The following LINGO2 variants were observed in gnomAD, a reference collection of about 807,000 sequenced individuals.
The protein encoded by LINGO2 is leucine rich repeat and Ig domain containing 2.
A neutral mutation model predicts 30.6 loss-of-function variants in LINGO2; 14 were observed. That is an observed-to-expected ratio of 0.46 (90% CI 0.30 to 0.72). The LOEUF is 0.72. LINGO2 is among the 30% of genes least tolerant of loss of function. The probability of loss-of-function intolerance (pLI) is 0.07; values close to 1 mark genes in which losing one functional copy is unlikely to be tolerated. For synonymous variants in LINGO2, 317 were observed against 288.5 expected (o/e 1.10, Z -1.00); for missense variants, 729 against 751.7 (o/e 0.97, Z 0.35).
intron 4 of LINGO2, among the ~76,000 whole-genome samples, chr9:28,182,808 C>G (rs1168999730): frequency 6.6e-6 from 1 of 152,166 alleles, no homozygotes; most frequent in Non-Finnish European, 1.5e-5. Flanking sequence ...CAGGAAACAA[C>G]AGATGCTGGC....
the LINGO2 span, among the ~76,000 whole-genome samples, chr9:29,150,984 A>T: frequency 0.14 from 21,705 of 151,932 alleles, 1,840 homozygotes; most frequent in Non-Finnish European, 0.18. Flanking sequence ...AAACAAAAAA[A>T]ATATATATAT....
At chr9:28,030,815 A>C (rs543576891) in intron 4 of LINGO2, among the ~76,000 whole-genome samples, 26 of 151,720 alleles carry the variant, frequency 1.7e-4, no homozygotes, top group Non-Finnish European at 3.7e-4. Flanking sequence ...GGAGTAATCC[A>C]ATGATGAAGG....
the LINGO2 span, among the ~76,000 whole-genome samples, chr9:29,113,729 C>T: frequency 8.9e-4 from 136 of 152,208 alleles, no homozygotes; most frequent in African/African-American, 3.2e-3. Flanking sequence ...TTGTAACAGA[C>T]AATTAAACAT....
intron 2 of LINGO2, among the ~76,000 whole-genome samples, chr9:28,464,778 CA>C (rs1379402876): frequency 2.6e-5 from 4 of 152,176 alleles, no homozygotes; most frequent in African/African-American, 9.7e-5. Flanking sequence ...GTTTCCAAGA[CA>C]ACATTTCAAC....
At chr9:28,586,578 A>C (rs1429131179) in intron 1 of LINGO2, among the ~76,000 whole-genome samples, 1 of 152,042 alleles carries the variant, frequency 6.6e-6, no homozygotes, top group East Asian at 1.9e-4. Context: ...ATATTTCTCA[A>C]TATTTTCTGT....
intron 1 of LINGO2, among the ~76,000 whole-genome samples, chr9:28,645,508 C>T (rs1324379184): frequency 6.6e-6 from 1 of 151,992 alleles, no homozygotes; most frequent in African/African-American, 2.4e-5. Context: ...TAAAAGGCAA[C>T]GGGCCAAGAG....
the LINGO2 span, among the ~76,000 whole-genome samples, chr9:28,839,194 G>A: frequency 6.6e-6 from 1 of 152,114 alleles, no homozygotes; most frequent in Non-Finnish European, 1.5e-5. Context: ...GCAAGTGAGG[G>A]GCGTGTTTCA....
intron 2 of LINGO2, among the ~76,000 whole-genome samples, chr9:28,393,195 G>GA (rs1422541113): frequency 6.6e-6 from 1 of 152,192 alleles, no homozygotes; most frequent in Non-Finnish European, 1.5e-5. Flanking sequence ...TACTATGTGG[G>GA]ATGTATTCTA....
the LINGO2 span, among the ~76,000 whole-genome samples, chr9:29,169,937 G>A: frequency 6.6e-6 from 1 of 152,140 alleles, no homozygotes; most frequent in Admixed American, 6.5e-5. Flanking sequence ...GGCTCAAGCA[G>A]TGAGCCAAGC....
In LINGO2 at chr9:28,528,120, C is replaced by T. The variant is rs114943875; in HGVS notation, c.-364-52095G>A. Among the ~76,000 whole-genome samples the T allele has an allele frequency of 5.0e-3, 758 of 152,244 alleles. 8 individuals carry two copies. The highest frequency in any genetic ancestry group is 0.016 in the African/African-American group (650 of 41,556). ...TCTCATAGCTGTGGAAGAATACAAC[C>T]ATCTCTTCTACTTATCCTACTTAAC... On this transcript the variant is annotated intron_variant, in intron 1 of 5. Coordinates refer to ENST00000379992, the Ensembl canonical transcript of LINGO2.
At chr9:28,164,590 GTACAGA>G (rs1308545066) in intron 4 of LINGO2, among the ~76,000 whole-genome samples, 2 of 152,192 alleles carry the variant, frequency 1.3e-5, no homozygotes, top group African/African-American at 4.8e-5. Context: ...TATTGGAGCA[GTACAGA>G]TAAATGTCTT....
chr9:28,039,030 A>T lies in LINGO2; in HGVS notation c.-86-26625T>A, dbSNP rs997078414. Reference sequence around the variant, plus strand: ...TCTTAAAGGAGTTTGGCAAGGAAAGATCTTCCTTTGTCGGGGAGTAAGGGG... The same window carrying T: ...TCTTAAAGGAGTTTGGCAAGGAAAGTTCTTCCTTTGTCGGGGAGTAAGGGG... On this transcript the variant is annotated intron_variant, in intron 4 of 5. Transcript: ENST00000379992. Among the ~76,000 whole-genome samples the T allele has an allele frequency of 3.5e-4, 54 of 152,304 alleles. 1 individual carries two copies. The highest frequency in any genetic ancestry group is 1.3e-3 in the African/African-American group (52 of 41,564).
At position 28,057,568 on chromosome 9, in the gene LINGO2, TATATATACACATATATGTATATAC is replaced by T. The variant is rs1281581712; in HGVS notation, c.-86-45187_-86-45164del. 1.4e-4 allele frequency among the ~76,000 whole-genome samples: 3 copies of T among 21,268 alleles called. No individual in the cohort carries two copies. The East Asian group carries it at 0.016, about 114-fold the overall frequency. The allele number at this position is 21,268 out of a possible 152,430, so 14.0% of individuals were successfully genotyped here. On this transcript the variant is annotated intron_variant, in intron 4 of 5. Coordinates refer to ENST00000379992, the Ensembl canonical transcript of LINGO2. The stretch of plus-strand genomic sequence containing the variant: ...ATGTATATAAGTATATATATATACA[TATATATACACATATATGTATATAC>T]ATATATATACACATATATGTATATA...
intron 4 of LINGO2, among the ~76,000 whole-genome samples, chr9:28,169,213 G>C (rs1338078228): frequency 6.6e-6 from 1 of 152,058 alleles, no homozygotes; most frequent in Non-Finnish European, 1.5e-5. Context: ...ACATAGTTGA[G>C]GCAGCAGCAT....
At chr9:27,952,160 T>A (rs1339678414) in intron 5 of LINGO2, among the ~76,000 whole-genome samples, 1 of 152,064 alleles carries the variant, frequency 6.6e-6, no homozygotes, top group Non-Finnish European at 1.5e-5. Flanking sequence ...CTTAGAATAC[T>A]ACAAAATAAA....
At chr9:28,243,992 G>C (rs867093783) in intron 4 of LINGO2, among the ~76,000 whole-genome samples, 2 of 152,122 alleles carry the variant, frequency 1.3e-5, no homozygotes, top group Non-Finnish European at 2.9e-5. Flanking sequence ...AATATCTATA[G>C]AACTCTCTAC....
At chr9:28,956,115 A>C in the LINGO2 span, among the ~76,000 whole-genome samples, 2 of 152,116 alleles carry the variant, frequency 1.3e-5, no homozygotes, top group African/African-American at 4.8e-5. Context: ...ATTGTATAAA[A>C]GGAAGAGTGG....
chr9:28,393,995 C>T (rs1821942202), intron 2 of LINGO2, among the ~76,000 whole-genome samples: 1 of 100,922 alleles, frequency 9.9e-6, no homozygotes, highest in South Asian at 2.8e-4. Flanking sequence ...CTTGTACTAA[C>T]CTCTTTTTTT....
chr9:28,020,571 C>CAAAACAAAACAAAACA (rs772117915), intron 4 of LINGO2, among the ~76,000 whole-genome samples: 5 of 102,370 alleles, frequency 4.9e-5, no homozygotes, highest in South Asian at 3.7e-4. Context: ...CAAAACAAAA[C>CAAAACAAAACAAAACA]AAACAAAACA....
Sources: gnomAD v4.1 joint callset for allele counts (sites outside exome capture counted in the v4.1 genomes callset) on GRCh38, gnomAD v4.1.1 for gene constraint, MANE v1.5 for transcripts, NCBI Gene and HGNC (gene_info 2026-07-23, HGNC 2026-07-21) for gene names.